AUTS2: variants seen among roughly 807,000 people sequenced by gnomAD.
AUTS2 encodes autism susceptibility gene 2 protein.
In AUTS2, 17 loss-of-function variants were observed where a neutral mutation model predicts 112.4. That is an observed-to-expected ratio of 0.15 (90% CI 0.10 to 0.23). The LOEUF (loss-of-function observed/expected upper bound fraction) is 0.23. Ranked by LOEUF, AUTS2 falls within the 10% of genes least tolerant of loss-of-function variation. The probability of loss-of-function intolerance (pLI) is 1.00; values close to 1 mark genes in which losing one functional copy is unlikely to be tolerated. For synonymous variants in AUTS2, 751 were observed against 702.7 expected (o/e 1.07, Z -1.09); for missense variants, 1,510 against 1,701.6 (o/e 0.89, Z 1.98).
At chr7:70,161,957 A>G (rs916194453) in intron 4 of AUTS2, among the ~76,000 whole-genome samples, 8 of 152,040 alleles carry the variant, frequency 5.3e-5, no homozygotes, top group African/African-American at 1.9e-4. Flanking sequence ...TTACTGGCAT[A>G]CTCCTTGATA....
intron 1 of AUTS2, among the ~76,000 whole-genome samples, chr7:69,619,356 T>A (rs1217321609): frequency 6.6e-6 from 1 of 152,034 alleles, no homozygotes; most frequent in Non-Finnish European, 1.5e-5. Flanking sequence ...TTGAAAGTGT[T>A]TGAGATGAGT....
At chr7:70,341,818 C>G (rs527837253) in intron 4 of AUTS2, among the ~76,000 whole-genome samples, 10 of 152,318 alleles carry the variant, frequency 6.6e-5, no homozygotes, top group Admixed American at 3.9e-4. Context: ...GTAGAAAAGG[C>G]AAGAAATGGA....
At chr7:69,747,363 A>G (rs1562855334) in intron 1 of AUTS2, among the ~76,000 whole-genome samples, 1 of 152,184 alleles carries the variant, frequency 6.6e-6, no homozygotes, top group Non-Finnish European at 1.5e-5. Context: ...ATGACCTTGG[A>G]TATGGCATAT....
chr7:70,590,800 A>T (rs551987518), intron 5 of AUTS2, among the ~76,000 whole-genome samples: 1 of 152,244 alleles, frequency 6.6e-6, no homozygotes, highest in African/African-American at 2.4e-5. Context: ...GTAGTTGTGA[A>T]TGGAAAACTC....
At chr7:70,271,037 C>CACTA (rs1323599070) in intron 4 of AUTS2, among the ~76,000 whole-genome samples, 1 of 152,054 alleles carries the variant, frequency 6.6e-6, no homozygotes, top group Non-Finnish European at 1.5e-5. Context: ...CAGACCCTCA[C>CACTA]ACTAGATGGT....
intron 4 of AUTS2, among the ~76,000 whole-genome samples, chr7:70,223,037 G>A (rs57552762): frequency 6.6e-5 from 10 of 151,896 alleles, no homozygotes; most frequent in East Asian, 1.9e-4. Flanking sequence ...ACAGGTGCCC[G>A]CCACCACACC....
chr7:70,648,347 AT>A (rs2129541430), intron 5 of AUTS2, among the ~76,000 whole-genome samples: 1 of 152,118 alleles, frequency 6.6e-6, no homozygotes, highest in South Asian at 2.1e-4. Flanking sequence ...CAGCTTTCTC[AT>A]CTGCAGCACG....
rs1792232139 is a variant in AUTS2 at position 69,599,285 on chromosome 7, G to A, written c.-369G>A. The A allele has an allele frequency of 5.4e-6, 1 of 184,344 alleles. No homozygotes were observed. Among genetic ancestry groups the A allele is most frequent in the South Asian group, 1.9e-4 (1 of 5,138 alleles). The allele number at this position is 184,344 out of a possible 1,614,324, so 11.4% of individuals were successfully genotyped here. A position where few individuals can be genotyped will look rare whatever the true frequency, so the allele number is the denominator to read the frequency against. ...CTTGATCAAAGCATTCCGCTATTCT[G>A]ATTTATTGCTTGCTTGGTGAGTTAT... On this transcript the variant is annotated 5_prime_UTR_variant, in exon 1 of 19. Coordinates refer to ENST00000342771, the MANE Select transcript of AUTS2 (RefSeq NM_015570.4). This position sits in a 1 kb window ranked among gnomAD's most constrained non-coding sequence, Gnocchi z 7.0.
At chr7:70,196,518 C>A (rs1311398678) in intron 4 of AUTS2, among the ~76,000 whole-genome samples, 1 of 152,110 alleles carries the variant, frequency 6.6e-6, no homozygotes, top group Admixed American at 6.5e-5. Context: ...ACTTGGAACC[C>A]CCTCATGCCA....
chr7:69,693,184 G>A (rs115447866), intron 1 of AUTS2, among the ~76,000 whole-genome samples: 2,322 of 152,306 alleles, frequency 0.015, 59 homozygotes, highest in African/African-American at 0.049. Context: ...TCTGTACAGT[G>A]AGGATTCTAT....
At chr7:70,591,341 C>G (rs377130346) in intron 5 of AUTS2, among the ~76,000 whole-genome samples, 216 of 152,308 alleles carry the variant, frequency 1.4e-3, no homozygotes, top group African/African-American at 5.1e-3. Context: ...CCAGGCTACT[C>G]CTTGACAGGA....
chr7:69,847,780 A>G (rs1792276287), intron 1 of AUTS2, among the ~76,000 whole-genome samples: 1 of 152,200 alleles, frequency 6.6e-6, no homozygotes, highest in South Asian at 2.1e-4. Context: ...GGTTGAGGAC[A>G]GAGAAAGGGA....
chr7:70,644,789 G>A (rs1312634914), intron 5 of AUTS2, among the ~76,000 whole-genome samples: 1 of 152,136 alleles, frequency 6.6e-6, no homozygotes, highest in Non-Finnish European at 1.5e-5. Context: ...CAGAAGTGCT[G>A]CATAACCCTT....
intron 4 of AUTS2, among the ~76,000 whole-genome samples, chr7:70,348,648 AC>A (rs1383309059): frequency 6.6e-6 from 1 of 151,962 alleles, no homozygotes; most frequent in Non-Finnish European, 1.5e-5. Flanking sequence ...ACTAAAAAAT[AC>A]AAAAAAAAAA....
intron 1 of AUTS2, among the ~76,000 whole-genome samples, chr7:69,891,670 A>C (rs574202065): frequency 1.4e-5 from 2 of 139,100 alleles, no homozygotes; most frequent in Admixed American, 1.5e-4. Flanking sequence ...CAGCCATTTT[A>C]TATGTATGTA....
chr7:70,747,178 G>A (rs1034010756), intron 6 of AUTS2, among the ~76,000 whole-genome samples: 11 of 152,192 alleles, frequency 7.2e-5, no homozygotes, highest in African/African-American at 2.4e-4. Flanking sequence ...AATGAAGGCC[G>A]TATTACCTTC....
At chr7:70,712,848 G>A (rs1810135493) in intron 6 of AUTS2, among the ~76,000 whole-genome samples, 3 of 152,136 alleles carry the variant, frequency 2.0e-5, no homozygotes, top group Non-Finnish European at 4.4e-5. Flanking sequence ...GCAGTGTCAC[G>A]ATCTCAGCTC....
At chr7:70,522,367 G>A (rs938637873) in intron 5 of AUTS2, among the ~76,000 whole-genome samples, 7 of 152,150 alleles carry the variant, frequency 4.6e-5, no homozygotes, top group African/African-American at 1.7e-4. Context: ...TATATTTTGT[G>A]ATGCTGAGAT....
At chr7:69,974,139 A>G (rs114828356) in intron 2 of AUTS2, among the ~76,000 whole-genome samples, 1 of 150,938 alleles carries the variant, frequency 6.6e-6, no homozygotes, top group South Asian at 2.1e-4. Flanking sequence ...ACTGTTTTTC[A>G]TATTTGGTGG....
Sources: gnomAD v4.1 joint callset for allele counts (sites outside exome capture counted in the v4.1 genomes callset) on GRCh38, gnomAD v4.1.1 for gene constraint, Gnocchi (gnomAD v3.1) non-coding constraint, MANE v1.5 for transcripts, NCBI Gene and HGNC (gene_info 2026-07-23, HGNC 2026-07-21) for gene names.